The following AP3B2 variants were observed in gnomAD, a reference collection of about 807,000 sequenced individuals.
AP3B2 encodes AP-3 complex subunit beta-2.
A neutral mutation model predicts 126.9 loss-of-function variants in AP3B2; 50 were observed. The observed-to-expected ratio is 0.39, with a 90% CI of 0.31 to 0.50. The LOEUF (loss-of-function observed/expected upper bound fraction) is 0.50, where lower values mean the gene tolerates loss of function less well. Ranked by LOEUF, AP3B2 falls within the 20% of genes least tolerant of loss-of-function variation. The pLI is 0.79. For missense variants in AP3B2, 1,177 were observed against 1,426.4 expected (o/e 0.83, Z 2.82); for synonymous variants, 541 against 565.0 (o/e 0.96, Z 0.60).
chr15:82,661,675 G>A lies in AP3B2; in HGVS notation c.3016+150C>T, dbSNP rs2047951629. On this transcript the variant is annotated intron_variant, in intron 25 of 26. Transcript: ENST00000535359. Reference sequence around the variant, plus strand: ...CAACAGAGACCACATGATTCTCAAAGCCTAAAACATTTATCTTTGGCCCGT... The same window carrying A: ...CAACAGAGACCACATGATTCTCAAAACCTAAAACATTTATCTTTGGCCCGT... 6 of 642,132 alleles carry A rather than the reference G, an allele frequency of 9.3e-6. No homozygotes were observed. The South Asian group carries it at 1.2e-4, about 13-fold the overall frequency. The allele number at this position is 642,132 out of a possible 1,614,324, so 39.8% of individuals were successfully genotyped here.
intron 1 of AP3B2, among the ~76,000 whole-genome samples, chr15:82,696,939 T>C (rs1018522072): frequency 6.6e-5 from 10 of 152,200 alleles, no homozygotes; most frequent in African/African-American, 2.4e-4. Flanking sequence ...CAGCTGTGTG[T>C]GGGGACTCAC....
intron 14 of AP3B2, among the ~76,000 whole-genome samples, chr15:82,667,494 A>T (rs1170271138): frequency 1.3e-5 from 2 of 152,248 alleles, no homozygotes; most frequent in Non-Finnish European, 1.5e-5. Context: ...TAATGACATC[A>T]GGGCAAACTG....
chr15:82,668,758 T>C (rs1319934605), intron 14 of AP3B2, among the ~76,000 whole-genome samples: 5 of 151,242 alleles, frequency 3.3e-5, no homozygotes, highest in Non-Finnish European at 7.4e-5. Flanking sequence ...CTAGCCAGGA[T>C]GTGCAGGAAT....
At chr15:82,704,682 CCTGA>C (rs1433124503) in intron 1 of AP3B2, among the ~76,000 whole-genome samples, 1 of 142,528 alleles carries the variant, frequency 7.0e-6, no homozygotes, top group African/African-American at 2.5e-5. Context: ...CCCAAGGCTG[CCTGA>C]CTGACTCCTT....
intron 14 of AP3B2, among the ~76,000 whole-genome samples, chr15:82,671,238 G>A (rs535216009): frequency 6.6e-5 from 10 of 151,700 alleles, no homozygotes; most frequent in South Asian, 6.2e-4. Context: ...AGCCAAGATC[G>A]CACCACTGCA....
intron 14 of AP3B2, among the ~76,000 whole-genome samples, chr15:82,669,777 A>C (rs1320105872): frequency 6.6e-6 from 1 of 151,700 alleles, no homozygotes; most frequent in Admixed American, 6.6e-5. Context: ...CGAGGCAGGC[A>C]GAATACCTGA....
intron 1 of AP3B2, among the ~76,000 whole-genome samples, chr15:82,701,320 C>G (rs78696871): frequency 6.6e-6 from 1 of 152,204 alleles, no homozygotes; most frequent in Non-Finnish European, 1.5e-5. Context: ...CTCTCTCCCA[C>G]CAATCGCTCC....
At position 82,665,568 on chromosome 15, in the gene AP3B2, G is replaced by A. The variant is rs779641851; in HGVS notation, c.1860C>T (p.Asp620=). 1 of 1,613,332 alleles carries A rather than the reference G, an allele frequency of 6.2e-7. No homozygotes were observed. The highest frequency in any genetic ancestry group is 8.5e-7 in the Non-Finnish European group (1 of 1,179,378). ...GGGACAGTGAGCCCAGCTGGAAGTG[G>A]TCCCGGTCTAGGGATAGGTTTAGAG... is the stretch of plus-strand genomic sequence containing the variant. ...PVLESSFKDR[D]HFQLGSLSHL... The change falls in exon 16 of 27, where the codon GAC becomes GAT. Residue 620 remains aspartate, a synonymous_variant. Coordinates refer to ENST00000535359, the MANE Select transcript of AP3B2 (RefSeq NM_001278512.2). The surrounding 1 kb of genome is among the most constrained non-coding windows in gnomAD (Gnocchi z 4.4).
At position 82,659,526 on chromosome 15, in the gene AP3B2, A is replaced by G; in HGVS notation, c.*34T>C. 6.2e-7 allele frequency: 1 copy of G among 1,609,960 alleles called. No individual in the cohort carries two copies. The highest frequency in any genetic ancestry group is 8.5e-7 in the Non-Finnish European group (1 of 1,177,322). On this transcript the variant is annotated 3_prime_UTR_variant, in exon 27 of 27. Transcript: ENST00000535359. ...CAGCCTAGGTGTCATGGGGAGGTAT[A>G]GATGGGAGCCAAACAGGTCACAGCA...
At chr15:82,692,076 C>T (rs545572053) in intron 1 of AP3B2, 1 of 1,492,380 alleles carries the variant, frequency 6.7e-7, no homozygotes, top group Non-Finnish European at 9.3e-7. Context: ...TTGCAGAAGG[C>T]CCATTCCTCC....
intron 1 of AP3B2, among the ~76,000 whole-genome samples, chr15:82,706,537 CTGA>C (rs1429143300): frequency 6.6e-6 from 1 of 152,216 alleles, no homozygotes; most frequent in Non-Finnish European, 1.5e-5. Context: ...AACACTTATG[CTGA>C]TAAGGTAGCT....
At chr15:82,667,508 C>T (rs1477905003) in intron 14 of AP3B2, among the ~76,000 whole-genome samples, 1 of 152,258 alleles carries the variant, frequency 6.6e-6, no homozygotes, top group Non-Finnish European at 1.5e-5. Context: ...CAAACTGCAG[C>T]TGCCCATGCA....
intron 1 of AP3B2, among the ~76,000 whole-genome samples, chr15:82,698,655 G>A (rs1180346711): frequency 6.6e-6 from 1 of 152,136 alleles, no homozygotes; most frequent in African/African-American, 2.4e-5. Context: ...AGGGTCCTCT[G>A]ATCTTCTGAG....
chr15:82,659,534 G>T lies in AP3B2; in HGVS notation c.*26C>A. On this transcript the variant is annotated 3_prime_UTR_variant, in exon 27 of 27. Coordinates refer to ENST00000535359, the MANE Select transcript of AP3B2 (RefSeq NM_001278512.2). Reference sequence around the variant, plus strand: ...GTGTCATGGGGAGGTATAGATGGGAGCCAAACAGGTCACAGCATTTGGAAG... The same window carrying T: ...GTGTCATGGGGAGGTATAGATGGGATCCAAACAGGTCACAGCATTTGGAAG... The T allele has an allele frequency of 6.2e-7, 1 of 1,611,634 alleles. No homozygotes were observed.
Position 82,665,744 on chromosome 15 carries a change from C to T in AP3B2, c.1853-169G>A, listed in dbSNP as rs570685247. ...CTTCCACCCTGACTGCACCTTTAGG[C>T]CCACATGCTGGAAGAAAAGGCTGTC... On this transcript the variant is annotated intron_variant, in intron 15 of 26. Coordinates refer to ENST00000535359, the MANE Select transcript of AP3B2 (RefSeq NM_001278512.2). This position sits in a 1 kb window ranked among gnomAD's most constrained non-coding sequence, Gnocchi z 4.4. 6.6e-6 allele frequency among the ~76,000 whole-genome samples: 1 copy of T among 152,304 alleles called. No individual in the cohort carries two copies. The highest frequency in any genetic ancestry group is 6.5e-5 in the Admixed American group (1 of 15,304).
chr15:82,693,229 T>C (rs2048574626), intron 1 of AP3B2, among the ~76,000 whole-genome samples: 1 of 109,234 alleles, frequency 9.2e-6, no homozygotes, highest in South Asian at 3.3e-4. Flanking sequence ...ATAAATGCTA[T>C]TGGGACAACT....
intron 4 of AP3B2, among the ~76,000 whole-genome samples, chr15:82,682,547 C>T (rs2048357591): frequency 6.6e-6 from 1 of 151,964 alleles, no homozygotes; most frequent in Admixed American, 6.6e-5. Context: ...CGCACTAAAA[C>T]GAGTCACATA....
At chr15:82,688,650 C>T in intron 4 of AP3B2, 86 bp downstream of exon 4, 1 of 1,294,890 alleles carries the variant, frequency 7.7e-7, no homozygotes, top group Non-Finnish European at 1.1e-6. Context: ...AGCCCGCTCC[C>T]ATGCTCATGG....
chr15:82,701,290 C>T (rs1389329948), intron 1 of AP3B2, among the ~76,000 whole-genome samples: 1 of 152,174 alleles, frequency 6.6e-6, no homozygotes, highest in Non-Finnish European at 1.5e-5. Flanking sequence ...GTGTTCTGTA[C>T]TTCCTTTCTT....
Sources: allele counts gnomAD v4.1 joint callset (sites outside exome capture counted in the v4.1 genomes callset), GRCh38; gene constraint gnomAD v4.1.1; non-coding constraint Gnocchi (gnomAD v3.1); transcripts MANE v1.5; gene names NCBI Gene and HGNC (gene_info 2026-07-23, HGNC 2026-07-21).